YEATS4: variants seen among roughly 807,000 people sequenced by gnomAD.
YEATS4 encodes YEATS domain-containing protein 4.
In YEATS4, 17 loss-of-function variants were observed where a neutral mutation model predicts 30.1. That is an observed-to-expected ratio of 0.56 (90% CI 0.39 to 0.85). The LOEUF is 0.85. Ranked by LOEUF, YEATS4 falls within the 40% of genes least tolerant of loss-of-function variation. The pLI is 0.00. For missense variants in YEATS4, 142 were observed against 268.3 expected, an observed-to-expected ratio of 0.53 and a Z score of 3.29; for synonymous variants, 85 against 87.5, an observed-to-expected ratio of 0.97 and a Z score of 0.16.
intron 6 of YEATS4, among the ~76,000 whole-genome samples, chr12:69,375,088 C>T (rs1345028302): frequency 5.7e-4 from 86 of 149,710 alleles, no homozygotes; most frequent in African/African-American, 1.9e-3. Context: ...CGGGCGGAGA[C>T]GCTCCTCACT....
chr12:69,426,461 C>G, the YEATS4 span, among the ~76,000 whole-genome samples: 1 of 152,142 alleles, frequency 6.6e-6, no homozygotes, highest in Non-Finnish European at 1.5e-5. Context: ...ACCTCTGCCT[C>G]CCGGGTTCAA....
chr12:69,373,595 G>GT (rs149808634), intron 6 of YEATS4, among the ~76,000 whole-genome samples: 3,723 of 152,198 alleles, frequency 0.024, 146 homozygotes, highest in African/African-American at 0.084. Context: ...TCACTTTGTT[G>GT]TTTCCTTTGT....
chr12:69,393,229 G>A (rs759469890), downstream of YEATS4, among the ~76,000 whole-genome samples: 5 of 152,140 alleles, frequency 3.3e-5, no homozygotes, highest in African/African-American at 4.8e-5. Context: ...TCTCTTGAGG[G>A]CAGGAGTTTG....
chr12:69,391,953 T>A (rs577454874), downstream of YEATS4, among the ~76,000 whole-genome samples: 2 of 152,204 alleles, frequency 1.3e-5, no homozygotes, highest in African/African-American at 4.8e-5. Flanking sequence ...GTTCAAAATA[T>A]GTGGTCATGG....
intron 6 of YEATS4, among the ~76,000 whole-genome samples, chr12:69,375,212 C>T (rs1169074504): frequency 4.0e-5 from 6 of 151,700 alleles, no homozygotes; most frequent in Non-Finnish European, 7.4e-5. Context: ...AGACGCTCCT[C>T]ACCTCCCAGA....
chr12:69,382,482 A>T (rs1271791667), intron 6 of YEATS4, among the ~76,000 whole-genome samples: 2 of 152,110 alleles, frequency 1.3e-5, no homozygotes. Context: ...CACCACTACC[A>T]CAGGCCCACA....
At chr12:69,384,434 T>C (rs1457734026) in intron 6 of YEATS4, among the ~76,000 whole-genome samples, 3 of 152,206 alleles carry the variant, frequency 2.0e-5, no homozygotes, top group Non-Finnish European at 4.4e-5. Context: ...TATCAATAAA[T>C]TAAGTTTTCT....
intron 6 of YEATS4, among the ~76,000 whole-genome samples, chr12:69,389,517 C>T (rs143044099): frequency 0.012 from 1,725 of 147,188 alleles, 27 homozygotes; most frequent in African/African-American, 0.028. Flanking sequence ...CGCTTCCCCC[C>T]CACCCCCACC....
intron 1 of YEATS4, among the ~76,000 whole-genome samples, chr12:69,362,104 G>T (rs528498515): frequency 2.6e-4 from 35 of 134,856 alleles, no homozygotes; most frequent in African/African-American, 9.5e-4. Context: ...TGCAACCTCT[G>T]CCTCCCAGGT....
downstream of YEATS4, among the ~76,000 whole-genome samples, chr12:69,393,340 C>G (rs1868329549): frequency 6.6e-6 from 1 of 152,056 alleles, no homozygotes; most frequent in Admixed American, 6.6e-5. Context: ...TGGTGGCATC[C>G]ACCTGTAGTC....
At chr12:69,409,902 T>C in the YEATS4 span, among the ~76,000 whole-genome samples, 5 of 152,122 alleles carry the variant, frequency 3.3e-5, no homozygotes, top group Admixed American at 1.3e-4. Context: ...AGGAGGAATA[T>C]GATGTGAAGA....
Position 69,389,425 on chromosome 12 carries a change from G to A in YEATS4, c.515-722G>A, listed in dbSNP as rs1868289688. ...AGATCATGCCACTGCTCTCCAGCCT[G>A]GGCGACAAGAGCGAGACTCCATCTC... On this transcript the variant is annotated intron_variant, in intron 6 of 6. Transcript: ENST00000247843. Among the ~76,000 whole-genome samples the A allele has an allele frequency of 2.0e-5, 3 of 148,098 alleles. No homozygotes were observed. In the South Asian group the frequency reaches 6.5e-4, roughly 32 times the overall value.
the YEATS4 span, among the ~76,000 whole-genome samples, chr12:69,400,145 TA>T: frequency 2.0e-5 from 3 of 151,848 alleles, no homozygotes; most frequent in Admixed American, 6.6e-5. Context: ...AAAAAAAGCT[TA>T]GTGTTACCAT....
intron 6 of YEATS4, among the ~76,000 whole-genome samples, chr12:69,386,956 A>G (rs540061982): frequency 6.4e-4 from 97 of 152,290 alleles, no homozygotes; most frequent in African/African-American, 2.0e-3. Context: ...CATTATAACA[A>G]TGAACTCTAA....
intron 1 of YEATS4, among the ~76,000 whole-genome samples, chr12:69,360,851 G>A (rs1875173730): frequency 6.6e-6 from 1 of 151,494 alleles, no homozygotes; most frequent in South Asian, 2.1e-4. Context: ...ATAAAAATCA[G>A]AAGGGGTACA....
intron 2 of YEATS4, chr12:69,364,072 A>T (rs1291451929): frequency 5.9e-6 from 2 of 336,272 alleles, no homozygotes; most frequent in Non-Finnish European, 1.2e-5. Flanking sequence ...AAGGGTATTG[A>T]GGTAAGTGCT....
the YEATS4 span, chr12:69,400,916 G>T: frequency 6.6e-6 from 1 of 152,222 alleles, no homozygotes; most frequent in Admixed American, 6.5e-5. Context: ...GAGTGCAGTG[G>T]TGCGTGCCTG....
At chr12:69,370,820 A>G (rs1466848575) in intron 5 of YEATS4, 22 bp downstream of exon 5, 3 of 1,592,620 alleles carry the variant, frequency 1.9e-6, no homozygotes, top group Middle Eastern at 1.7e-4. Context: ...TTATAATGAT[A>G]GTTTTAAAAG....
chr12:69,370,671 A>G (rs1196468817), intron 4 of YEATS4, 35 bp from the exon 5 acceptor site: 4 of 1,486,410 alleles, frequency 2.7e-6, no homozygotes, highest in African/African-American at 2.8e-5. Context: ...GATAAAAACC[A>G]TTGCACAGAT....
Sources: gnomAD v4.1 joint callset for allele counts (sites outside exome capture counted in the v4.1 genomes callset) on GRCh38, gnomAD v4.1.1 for gene constraint, MANE v1.5 for transcripts, NCBI Gene and HGNC (gene_info 2026-07-23, HGNC 2026-07-21) for gene names.